Variants in LMBRD1 observed in about 807,000 individuals in gnomAD.
LMBRD1 encodes LMBR1 domain containing 1.
Under a neutral mutation model 74.8 loss-of-function variants are expected in LMBRD1, and 64 were observed. The observed-to-expected ratio is 0.86, with a 90% CI of 0.70 to 1.05. The LOEUF (loss-of-function observed/expected upper bound fraction) is 1.05. LMBRD1 is among the 50% of genes least tolerant of loss of function. LMBRD1 has a pLI of 0.00. For missense variants in LMBRD1, 652 were observed against 645.9 expected (o/e 1.01, Z -0.10); for synonymous variants, 204 against 216.3 (o/e 0.94, Z 0.50).
chr6:69,767,834 A>G (rs1765502018), intron 3 of LMBRD1, among the ~76,000 whole-genome samples: 1 of 151,850 alleles, frequency 6.6e-6, no homozygotes, highest in African/African-American at 2.4e-5. Context: ...TGAATTATCT[A>G]TTTTGCCTAT....
intron 14 of LMBRD1, among the ~76,000 whole-genome samples, chr6:69,679,051 AAAAAAC>A (rs1239871395): frequency 7.2e-6 from 1 of 138,996 alleles, no homozygotes; most frequent in Non-Finnish European, 1.6e-5. Flanking sequence ...AACAAAAAAA[AAAAAAC>A]AAAAACAAAC....
In LMBRD1 at chr6:69,674,127, C is replaced by G. The variant is rs1353011154; in HGVS notation, c.*2031G>C. 6.6e-6 allele frequency among the ~76,000 whole-genome samples: 1 copy of G among 152,190 alleles called. No individual in the cohort carries two copies. The highest frequency in any genetic ancestry group is 1.5e-5 in the Non-Finnish European group (1 of 68,030). On this transcript the variant is annotated 3_prime_UTR_variant, in exon 16 of 16. Coordinates refer to ENST00000649934, the MANE Select transcript of LMBRD1 (RefSeq NM_018368.4). ...CTCCTGTTGGCTTGCAGACCACTGC[C>G]TTCTCATTGCATCCTCACATGGCCT...
intron 14 of LMBRD1, among the ~76,000 whole-genome samples, chr6:69,691,196 A>T (rs1582050794): frequency 3.7e-5 from 5 of 134,024 alleles, no homozygotes; most frequent in African/African-American, 5.4e-5. Context: ...ATAATGTTTC[A>T]TTTTCTCACA....
chr6:69,677,984 G>T (rs980831633), intron 14 of LMBRD1, among the ~76,000 whole-genome samples: 2 of 152,046 alleles, frequency 1.3e-5, no homozygotes, highest in African/African-American at 4.8e-5. Flanking sequence ...GAGGCCTGTG[G>T]CAACACAGTA....
At chr6:69,740,743 A>C (rs1277727068) in intron 6 of LMBRD1, among the ~76,000 whole-genome samples, 8 of 152,176 alleles carry the variant, frequency 5.3e-5, no homozygotes, top group Admixed American at 5.2e-4. Flanking sequence ...TCAAAAAAGC[A>C]ATTTTTCTGC....
intron 9 of LMBRD1, among the ~76,000 whole-genome samples, chr6:69,703,455 CAAAAA>C (rs530645065): frequency 8.2e-6 from 1 of 122,678 alleles, no homozygotes; most frequent in East Asian, 2.4e-4. Context: ...TCCATTTTGG[CAAAAA>C]AAAAAAAAAA....
intron 5 of LMBRD1, among the ~76,000 whole-genome samples, chr6:69,749,014 A>G (rs150924942): frequency 6.6e-6 from 1 of 152,132 alleles, no homozygotes; most frequent in African/African-American, 2.4e-5. Context: ...TACACTTACT[A>G]TCCTGCAGAG....
intron 7 of LMBRD1, among the ~76,000 whole-genome samples, chr6:69,730,421 T>C (rs1467358189): frequency 3.3e-5 from 5 of 152,230 alleles, no homozygotes; most frequent in Non-Finnish European, 7.4e-5. Context: ...ACAACACAGG[T>C]ACTCAAGACT....
intron 3 of LMBRD1, among the ~76,000 whole-genome samples, chr6:69,755,449 G>A (rs954818506): frequency 1.4e-4 from 21 of 151,950 alleles, no homozygotes; most frequent in Non-Finnish European, 2.2e-4. Flanking sequence ...GGTCAAGGCC[G>A]GGGGAGAGCA....
chr6:69,790,671 G>A (rs983540648), intron 1 of LMBRD1, 199 bp from the exon 2 acceptor site: 11 of 587,018 alleles, frequency 1.9e-5, no homozygotes, highest in East Asian at 3.0e-5. Flanking sequence ...AGTACATCAC[G>A]TATGCATACA....
chr6:69,740,864 C>G (rs571551566), intron 6 of LMBRD1, among the ~76,000 whole-genome samples: 3 of 152,192 alleles, frequency 2.0e-5, no homozygotes, highest in Middle Eastern at 3.4e-3. Context: ...ATATCACTTT[C>G]TAATGCCAGT....
At chr6:69,704,784 T>C (rs1262402376) in intron 9 of LMBRD1, among the ~76,000 whole-genome samples, 1 of 152,168 alleles carries the variant, frequency 6.6e-6, no homozygotes, top group Non-Finnish European at 1.5e-5. Flanking sequence ...TCTGCAGATA[T>C]AGAGGGACTG....
intron 9 of LMBRD1, among the ~76,000 whole-genome samples, chr6:69,710,812 A>G (rs529169165): frequency 6.6e-6 from 1 of 152,284 alleles, no homozygotes; most frequent in African/African-American, 2.4e-5. Flanking sequence ...GACACTACAT[A>G]AGAGTTGACA....
chr6:69,751,073 G>A (rs947711629), intron 4 of LMBRD1, among the ~76,000 whole-genome samples: 1 of 151,956 alleles, frequency 6.6e-6, no homozygotes, highest in Non-Finnish European at 1.5e-5. Flanking sequence ...GTTCGATTTT[G>A]ACATATACCT....
At chr6:69,749,540 CA>C (rs1464888012) in intron 4 of LMBRD1, 132 bp from the exon 5 acceptor site, 1 of 719,090 alleles carries the variant, frequency 1.4e-6, no homozygotes, top group Non-Finnish European at 2.4e-6. Context: ...GGTTGAAAAA[CA>C]ACCTTAAAAT....
intron 4 of LMBRD1, among the ~76,000 whole-genome samples, chr6:69,751,451 G>A (rs548549862): frequency 2.2e-3 from 328 of 152,036 alleles, no homozygotes; most frequent in Non-Finnish European, 3.5e-3. Flanking sequence ...CTCAGCCTCC[G>A]GAGTAGCTGG....
At chr6:69,752,453 C>T in intron 3 of LMBRD1, 97 bp from the exon 4 acceptor site, 2 of 972,284 alleles carry the variant, frequency 2.1e-6, no homozygotes, top group Non-Finnish European at 3.1e-6. Flanking sequence ...AACAAATTCA[C>T]TCCCCTATCT....
chr6:69,758,143 C>T (rs974025802), intron 3 of LMBRD1, among the ~76,000 whole-genome samples: 10 of 152,142 alleles, frequency 6.6e-5, no homozygotes, highest in African/African-American at 2.4e-4. Context: ...TTATAACTCA[C>T]ATGAAAATTA....
chr6:69,735,158 C>T lies in LMBRD1; in HGVS notation c.636+2784G>A, dbSNP rs76584291. On this transcript the variant is annotated intron_variant, in intron 7 of 15. Coordinates refer to ENST00000649934, the MANE Select transcript of LMBRD1 (RefSeq NM_018368.4). ...GCCACTTATTCTTAGTTCAGGGTCA[C>T]GGGTGGCTGGAGCCTATCCCACTAG... Among the ~76,000 whole-genome samples, 1,077 of 152,288 alleles carry T rather than the reference C, an allele frequency of 7.1e-3. 23 individuals carry two copies. The East Asian group carries it at 0.079, about 11-fold the overall frequency.
Sources: gnomAD v4.1 joint callset for allele counts (sites outside exome capture counted in the v4.1 genomes callset) on GRCh38, gnomAD v4.1.1 for gene constraint, MANE v1.5 for transcripts, NCBI Gene and HGNC (gene_info 2026-07-23, HGNC 2026-07-21) for gene names.